SLC10A7: variants seen among roughly 807,000 people sequenced by gnomAD.
SLC10A7 encodes the protein sodium/bile acid cotransporter 7.
In SLC10A7, 29 loss-of-function variants were observed where a neutral mutation model predicts 43.2. The observed-to-expected ratio is 0.67, with a 90% CI of 0.50 to 0.92. The LOEUF is 0.92. Among genes scored for constraint, SLC10A7 ranks in the 40% least tolerant of loss-of-function variants. The pLI is 0.00. For synonymous variants in SLC10A7, 152 were observed against 144.8 expected, an observed-to-expected ratio of 1.05 and a Z score of -0.35; for missense variants, 295 against 403.2, an observed-to-expected ratio of 0.73 and a Z score of 2.30.
intron 4 of SLC10A7, among the ~76,000 whole-genome samples, chr4:146,445,756 C>T (rs1402216609): frequency 2.0e-5 from 3 of 152,092 alleles, no homozygotes; most frequent in Admixed American, 2.0e-4. Flanking sequence ...GAGCTGGAAA[C>T]GGGGTGGAAT....
chr4:146,481,519 G>C (rs935473433), intron 4 of SLC10A7, among the ~76,000 whole-genome samples: 1 of 152,152 alleles, frequency 6.6e-6, no homozygotes, highest in African/African-American at 2.4e-5. Flanking sequence ...ACTGTGCCTC[G>C]TGGCTCCAGG....
intron 5 of SLC10A7, among the ~76,000 whole-genome samples, chr4:146,346,457 A>G (rs1028176944): frequency 1.1e-4 from 16 of 152,152 alleles, no homozygotes; most frequent in Non-Finnish European, 1.9e-4. Context: ...ACATGTTAGG[A>G]TTCAGAAAAC....
chr4:146,421,264 G>C (rs1384186148), intron 5 of SLC10A7, among the ~76,000 whole-genome samples: 3 of 152,034 alleles, frequency 2.0e-5, no homozygotes, highest in African/African-American at 7.3e-5. Context: ...TAGTCACTAG[G>C]TTAATATTAA....
chr4:146,391,051 G>A (rs777218238), intron 5 of SLC10A7, among the ~76,000 whole-genome samples: 1 of 152,090 alleles, frequency 6.6e-6, no homozygotes, highest in Non-Finnish European at 1.5e-5. Context: ...ATGTGTGTGT[G>A]TTGTGTAATT....
At chr4:146,339,421 T>C (rs553898879) in intron 5 of SLC10A7, among the ~76,000 whole-genome samples, 1 of 152,120 alleles carries the variant, frequency 6.6e-6, no homozygotes, top group Admixed American at 6.6e-5. Context: ...TGATTTACTC[T>C]GGTTTTTATA....
chr4:146,398,140 T>A (rs1738968464), intron 5 of SLC10A7, among the ~76,000 whole-genome samples: 1 of 152,210 alleles, frequency 6.6e-6, no homozygotes, highest in South Asian at 2.1e-4. Flanking sequence ...TGAATGACTG[T>A]ATGAATAGGG....
intron 5 of SLC10A7, among the ~76,000 whole-genome samples, chr4:146,433,695 A>G (rs1289029262): frequency 1.3e-5 from 2 of 152,012 alleles, no homozygotes; most frequent in Non-Finnish European, 2.9e-5. Flanking sequence ...GCGAGATCCC[A>G]TCTCTATAAA....
intron 4 of SLC10A7, among the ~76,000 whole-genome samples, chr4:146,480,856 C>A (rs1182676201): frequency 1.3e-5 from 2 of 151,740 alleles, no homozygotes; most frequent in African/African-American, 2.4e-5. Context: ...CAAAAAAAAA[C>A]CCAAAATAAT....
At chr4:146,372,147 T>C (rs766090437) in intron 5 of SLC10A7, among the ~76,000 whole-genome samples, 17 of 152,170 alleles carry the variant, frequency 1.1e-4, no homozygotes, top group Admixed American at 3.3e-4. Flanking sequence ...CTGAGAAAAC[T>C]GTTTTTTAGC....
At chr4:146,357,602 G>A (rs182532368) in intron 5 of SLC10A7, among the ~76,000 whole-genome samples, 1 of 152,194 alleles carries the variant, frequency 6.6e-6, no homozygotes, top group Non-Finnish European at 1.5e-5. Flanking sequence ...GAAGCAATAC[G>A]TGAAAGGTAG....
chr4:146,279,571 C>T (rs1729416749), intron 10 of SLC10A7, among the ~76,000 whole-genome samples: 1 of 152,144 alleles, frequency 6.6e-6, no homozygotes, highest in African/African-American at 2.4e-5. Flanking sequence ...TGGCAACCCA[C>T]AGCAAGTGAT....
intron 5 of SLC10A7, among the ~76,000 whole-genome samples, chr4:146,436,814 A>T (rs1422091883): frequency 2.0e-5 from 3 of 152,134 alleles, no homozygotes; most frequent in African/African-American, 7.2e-5. Context: ...TTAGCTACAA[A>T]TTAATAGTAG....
intron 4 of SLC10A7, among the ~76,000 whole-genome samples, chr4:146,500,724 C>T (rs1736321951): frequency 6.6e-6 from 1 of 152,104 alleles, no homozygotes; most frequent in African/African-American, 2.4e-5. Context: ...CCTCATTTCC[C>T]TTTTCCCTTT....
At chr4:146,271,229 A>G (rs573017750) in intron 10 of SLC10A7, among the ~76,000 whole-genome samples, 1 of 152,274 alleles carries the variant, frequency 6.6e-6, no homozygotes, top group Non-Finnish European at 1.5e-5. Context: ...AGACATATCA[A>G]ACTTCACATG....
At chr4:146,472,122 T>C (rs1733620935) in intron 4 of SLC10A7, among the ~76,000 whole-genome samples, 1 of 152,134 alleles carries the variant, frequency 6.6e-6, no homozygotes, top group Non-Finnish European at 1.5e-5. Context: ...GTGGAATAAC[T>C]GAGGGACAAA....
In SLC10A7 at chr4:146,306,010, C is replaced by T; in HGVS notation, c.472-1G>A. On this transcript the variant is annotated splice_acceptor_variant, in intron 6 of 11. Transcript: ENST00000335472. LOFTEE classifies it high-confidence loss of function. ...AAGGCACAGAAGAAGATGAACCAAGCTGTAAAACAAGAAAATAGGAGTTAG... is the reference window on the plus strand; with the variant it reads ...AAGGCACAGAAGAAGATGAACCAAGTTGTAAAACAAGAAAATAGGAGTTAG... 1 of 1,598,466 alleles carries T rather than the reference C, an allele frequency of 6.3e-7. No homozygotes were observed. Among genetic ancestry groups the T allele is most frequent in the Non-Finnish European group, 8.5e-7 (1 of 1,174,198 alleles).
At chr4:146,446,614 C>A (rs1321430738) in intron 4 of SLC10A7, among the ~76,000 whole-genome samples, 1 of 151,088 alleles carries the variant, frequency 6.6e-6, no homozygotes, top group Non-Finnish European at 1.5e-5. Flanking sequence ...GACCTACTTA[C>A]ATGCCTCTCT....
chr4:146,497,721 C>A (rs1303557623), intron 4 of SLC10A7, among the ~76,000 whole-genome samples: 1 of 152,126 alleles, frequency 6.6e-6, no homozygotes, highest in African/African-American at 2.4e-5. Context: ...TGAAATAGTT[C>A]TACAACAATA....
intron 5 of SLC10A7, among the ~76,000 whole-genome samples, chr4:146,384,331 C>T (rs1737839731): frequency 6.6e-6 from 1 of 151,950 alleles, no homozygotes; most frequent in Non-Finnish European, 1.5e-5. Context: ...CCCCAGATGA[C>T]AAAAACATCA....
Sources: gnomAD v4.1 joint callset for allele counts (sites outside exome capture counted in the v4.1 genomes callset) on GRCh38, gnomAD v4.1.1 for gene constraint, MANE v1.5 for transcripts, NCBI Gene and HGNC (gene_info 2026-07-23, HGNC 2026-07-21) for gene names.